HDGFL3: variants seen among roughly 807,000 people sequenced by gnomAD.
HDGFL3 encodes hepatoma-derived growth factor-related protein 3.
In HDGFL3, 6 loss-of-function variants were observed where a neutral mutation model predicts 27.6. That is an observed-to-expected ratio of 0.22 (90% CI 0.12 to 0.43). HDGFL3 has a LOEUF of 0.43. HDGFL3 is among the 20% of genes least tolerant of loss of function. HDGFL3 has a pLI of 1.00. For missense variants in HDGFL3, 207 were observed against 250.1 expected (o/e 0.83, Z 1.16); for synonymous variants, 88 against 88.9 (o/e 0.99, Z 0.05).
chr15:83,116,006 CAGAG>C (rs1359013752), intron 3 of HDGFL3: 2 of 1,257,624 alleles, frequency 1.6e-6, no homozygotes, highest in African/African-American at 2.9e-5. Flanking sequence ...TCACATTACT[CAGAG>C]ACAGAAATCC....
chr15:83,178,437 T>C (rs1225405376), intron 1 of HDGFL3, among the ~76,000 whole-genome samples: 1 of 152,218 alleles, frequency 6.6e-6, no homozygotes, highest in Non-Finnish European at 1.5e-5. Flanking sequence ...CTCTTAAGTT[T>C]GTTTTTAAAT....
In HDGFL3 at chr15:83,197,880, A is replaced by G. The variant is rs138728757; in HGVS notation, c.84+9451T>C. 3.1e-3 allele frequency among the ~76,000 whole-genome samples: 463 copies of G among 151,678 alleles called. 1 individual carries two copies. Among genetic ancestry groups the G allele is most frequent in the Non-Finnish European group, 3.5e-3 (236 of 67,892 alleles). The stretch of plus-strand genomic sequence containing the variant: ...AAAACCCCATCTCTACTAAACATCT[A>G]AAAAATTAGCCGGGTGTGGTGGTGT... On this transcript the variant is annotated intron_variant, in intron 1 of 5. Transcript: ENST00000299633.
At chr15:83,202,370 T>C (rs1276768685) in intron 1 of HDGFL3, among the ~76,000 whole-genome samples, 1 of 152,082 alleles carries the variant, frequency 6.6e-6, no homozygotes, top group Non-Finnish European at 1.5e-5. Context: ...ATCAAAAATA[T>C]GATAAGCAGT....
chr15:83,121,144 C>T (rs927645331), intron 3 of HDGFL3, among the ~76,000 whole-genome samples: 12 of 151,836 alleles, frequency 7.9e-5, no homozygotes, highest in African/African-American at 2.9e-4. Context: ...GATCTTGGCT[C>T]GCTGTAACCT....
chr15:83,206,406 A>G (rs766375423), intron 1 of HDGFL3, among the ~76,000 whole-genome samples: 8 of 152,210 alleles, frequency 5.3e-5, no homozygotes. Context: ...ACTGCCAACC[A>G]TACAAAAATA....
chr15:83,124,568 A>C, downstream of HDGFL3: 1 of 829,094 alleles, frequency 1.2e-6, no homozygotes. Context: ...TAAATTGTGC[A>C]TCTTCAAAAT....
chr15:83,184,473 T>C (rs1449657089), intron 1 of HDGFL3, among the ~76,000 whole-genome samples: 1 of 152,190 alleles, frequency 6.6e-6, no homozygotes, highest in African/African-American at 2.4e-5. Context: ...ATTCTATAAT[T>C]AGATATTTCA....
rs199774325 is a variant in HDGFL3 at position 83,136,710 on chromosome 15, C to T, written c.*2560G>A. ...ATGTTCCTCCTTTCTAAATTACTAA[C>T]TTTTGTTATACTGGTACTGATATTT... On this transcript the variant is annotated 3_prime_UTR_variant, in exon 6 of 6. Transcript: ENST00000299633. 78 of 1,534,534 alleles carry T rather than the reference C, an allele frequency of 5.1e-5. No homozygotes were observed. The African/African-American group carries it at 1.0e-3, about 20-fold the overall frequency.
chr15:83,156,503 TA>T (rs1178306845), intron 4 of HDGFL3, among the ~76,000 whole-genome samples: 1 of 152,136 alleles, frequency 6.6e-6, no homozygotes, highest in African/African-American at 2.4e-5. Context: ...ACTGAATAAA[TA>T]AACAGCCAAA....
chr15:83,164,409 G>GTACT (rs2037140540), intron 1 of HDGFL3, among the ~76,000 whole-genome samples: 1 of 130,700 alleles, frequency 7.7e-6, no homozygotes, highest in Non-Finnish European at 1.6e-5. Flanking sequence ...ACAAAAAGAT[G>GTACT]TACTTCTTTT....
At position 83,136,620 on chromosome 15, in the gene HDGFL3, T is replaced by G. The variant is rs1187293112; in HGVS notation, c.*2650A>C. 6.2e-7 allele frequency: 1 copy of G among 1,611,094 alleles called. No individual in the cohort carries two copies. The highest frequency in any genetic ancestry group is 1.7e-5 in the Admixed American group (1 of 59,196). On this transcript the variant is annotated 3_prime_UTR_variant, in exon 6 of 6. Transcript: ENST00000299633. ...CCTCAGCTCTTGGCCTATCGTTGTA[T>G]CTACAAACCAGAGTTCTTCATAAAA...
chr15:83,172,325 G>C (rs2037255478), intron 1 of HDGFL3, among the ~76,000 whole-genome samples: 1 of 152,084 alleles, frequency 6.6e-6, no homozygotes, highest in South Asian at 2.1e-4. Flanking sequence ...TTAGCCTCCA[G>C]CACTGTGAAG....
intron 1 of HDGFL3, among the ~76,000 whole-genome samples, chr15:83,182,068 C>A (rs1429237137): frequency 6.6e-6 from 1 of 152,168 alleles, no homozygotes. Flanking sequence ...ACATTTAAGT[C>A]ATCTCAGACA....
intron 3 of HDGFL3, chr15:83,120,157 T>A (rs1052149249): frequency 6.0e-6 from 1 of 165,450 alleles, no homozygotes; most frequent in African/African-American, 2.4e-5. Flanking sequence ...TGGATGTGTA[T>A]GTACAAGGGA....
intron 3 of HDGFL3, among the ~76,000 whole-genome samples, chr15:83,116,587 C>G (rs1000741978): frequency 2.0e-5 from 3 of 152,138 alleles, no homozygotes; most frequent in African/African-American, 7.2e-5. Flanking sequence ...TTTATCCTGT[C>G]TGTGAGGGAA....
Position 83,133,601 on chromosome 15 carries a change from G to C in HDGFL3, c.*5669C>G, listed in dbSNP as rs1567159070. On this transcript the variant is annotated 3_prime_UTR_variant, in exon 6 of 6. Coordinates refer to ENST00000299633, the MANE Select transcript of HDGFL3 (RefSeq NM_016073.4). ...TGCTAAATTCTGGAGAAATTTCTAGGATCAACAACTCATATCTGTAATCCT... is the reference window on the plus strand; with the variant it reads ...TGCTAAATTCTGGAGAAATTTCTAGCATCAACAACTCATATCTGTAATCCT... The C allele has an allele frequency of 6.6e-6, 1 of 152,140 alleles. No individual in the cohort carries two copies. The allele number at this position is 152,140 out of a possible 1,614,324, so 9.4% of individuals were successfully genotyped here.
chr15:83,154,155 A>G lies in HDGFL3; in HGVS notation c.460-2794T>C, dbSNP rs1360821635. On this transcript the variant is annotated intron_variant, in intron 4 of 5. Transcript: ENST00000299633. The stretch of plus-strand genomic sequence containing the variant: ...CATGATAAAATCCGGTCTCTACTGG[A>G]AAAAAAAAAAAAGCAAAAATAAAAA... 4.2e-5 allele frequency among the ~76,000 whole-genome samples: 6 copies of G among 141,962 alleles called. 1 individual carries two copies. In the East Asian group the frequency reaches 1.0e-3, roughly 24 times the overall value. 93.1% of individuals were successfully genotyped at this position (141,962 alleles called of 152,430 possible).
At chr15:83,114,466 G>C (rs1439896562) in exon 4 of HDGFL3, 1 of 152,276 alleles carries the variant, frequency 6.6e-6, no homozygotes, top group Non-Finnish European at 1.5e-5. Flanking sequence ...CACCTGGGAG[G>C]CTTCTGGAAA....
chr15:83,170,317 T>A (rs1444239030), intron 1 of HDGFL3, among the ~76,000 whole-genome samples: 1 of 152,166 alleles, frequency 6.6e-6, no homozygotes, highest in Non-Finnish European at 1.5e-5. Context: ...GACTTCAAAC[T>A]ATACTGTAAG....
Sources: gnomAD v4.1 joint callset for allele counts (sites outside exome capture counted in the v4.1 genomes callset) on GRCh38, gnomAD v4.1.1 for gene constraint, MANE v1.5 for transcripts, NCBI Gene and HGNC (gene_info 2026-07-23, HGNC 2026-07-21) for gene names.